The following MAP1A variants were observed in gnomAD, a reference collection of about 807,000 sequenced individuals.
MAP1A encodes microtubule-associated protein 1A.
MAP1A carries 42 observed loss-of-function variants against 185.9 expected under a neutral mutation model. The observed-to-expected ratio is 0.23, with a 90% CI of 0.18 to 0.29. The LOEUF (loss-of-function observed/expected upper bound fraction) is 0.29, where lower values mean the gene tolerates loss of function less well. Ranked by LOEUF, MAP1A falls within the 10% of genes least tolerant of loss-of-function variation. The probability of loss-of-function intolerance (pLI) is 1.00; values close to 1 mark genes in which losing one functional copy is unlikely to be tolerated. For synonymous variants in MAP1A, 1,229 were observed against 1,335.9 expected (o/e 0.92, Z 1.74); for missense variants, 2,995 against 3,450.4 (o/e 0.87, Z 3.31).
Position 43,526,652 on chromosome 15 carries a change from A to C in MAP1A, c.5179A>C (p.Ser1727Arg). 1.2e-6 allele frequency: 2 copies of C among 1,614,052 alleles called. No homozygotes were observed. Among genetic ancestry groups the C allele is most frequent in the Non-Finnish European group, 1.7e-6 (2 of 1,180,010 alleles). Residue 1727 changes from serine to arginine, a missense_variant, in exon 4 of 6, where the codon AGC becomes CGC. Ser to Arg is a moderately radical substitution (Grantham distance 110). Around this residue, in one of 3 missense-constraint regions of MAP1A, gnomAD observed 2,728 missense variants for 2,986.0 expected, o/e 0.91. Coordinates refer to ENST00000300231, the MANE Select transcript of MAP1A (RefSeq NM_002373.6). This position sits in a 1 kb window ranked among gnomAD's most constrained non-coding sequence, Gnocchi z 4.7. The stretch of plus-strand genomic sequence containing the variant: ...CCCACACTACACTGAGGAACGGGAA[A>C]GCACTTTCCTAGATGAGGGCCCAGA... ...ARPHYTEERE[S>R]TFLDEGPDDE...
chr15:43,525,330 G>A lies in MAP1A; in HGVS notation c.3857G>A (p.Arg1286Lys). The change falls in exon 4 of 6, where the codon AGG becomes AAG. Residue 1286 changes from arginine to lysine, a missense_variant. By Grantham distance (26) the Arg-to-Lys change is conservative (BLOSUM62 2). Coordinates refer to ENST00000300231, the MANE Select transcript of MAP1A (RefSeq NM_002373.6). ...GACATCACAGATGACAGCCTTGACA[G>A]GAAGTCACCTGCCAGCTCATTCTCT... is the stretch of plus-strand genomic sequence containing the variant. ...QTDITDDSLD[R>K]KSPASSFSHS... 6.2e-7 allele frequency: 1 copy of A among 1,614,150 alleles called. No homozygotes were observed. Among genetic ancestry groups the A allele is most frequent in the Admixed American group, 1.7e-5 (1 of 60,032 alleles).
In MAP1A at chr15:43,522,918, G is replaced by A. The variant is rs374615965; in HGVS notation, c.1445G>A (p.Gly482Glu). The A allele has an allele frequency of 6.2e-7, 1 of 1,613,502 alleles. No individual in the cohort carries two copies. Among genetic ancestry groups the A allele is most frequent in the Non-Finnish European group, 8.5e-7 (1 of 1,179,790 alleles). The change falls in exon 4 of 6, where the codon GGA becomes GAA. Residue 482 changes from glycine (G) to glutamate (E), a missense_variant. By Grantham distance (98) the Gly-to-Glu change is moderately conservative (BLOSUM62 -2). Transcript: ENST00000300231. The surrounding 1 kb of genome is among the most constrained non-coding windows in gnomAD (Gnocchi z 5.9). Reference protein sequence around the residue: ...RKTLYKAKVPGRVKIDRSRAI... With the variant: ...RKTLYKAKVPERVKIDRSRAI... The stretch of plus-strand genomic sequence containing the variant: ...ACCCTCTATAAAGCCAAGGTCCCTG[G>A]AAGAGTCAAAATAGACAGGAGCCGT...
Position 43,526,713 on chromosome 15 carries a change from C to G in MAP1A, c.5240C>G (p.Thr1747Ser), listed in dbSNP as rs1392308447. ...EQEVPLREHA[T>S]RSPWASDFKD... The stretch of plus-strand genomic sequence containing the variant: ...GAAGTACCCCTGCGGGAACACGCAA[C>G]CCGGAGCCCCTGGGCCTCAGACTTC... The change falls in exon 4 of 6, where the codon ACC becomes AGC. Residue 1747 changes from threonine to serine, a missense_variant. By Grantham distance (58) the Thr-to-Ser change is moderately conservative. Around this residue, in one of 3 missense-constraint regions of MAP1A, gnomAD observed 2,728 missense variants for 2,986.0 expected, o/e 0.91. Transcript: ENST00000300231. This position sits in a 1 kb window ranked among gnomAD's most constrained non-coding sequence, Gnocchi z 4.7. The G allele has an allele frequency of 6.2e-7, 1 of 1,613,976 alleles. No homozygotes were observed. Among genetic ancestry groups the G allele is most frequent in the Middle Eastern group, 1.6e-4 (1 of 6,062 alleles).
upstream of MAP1A, among the ~76,000 whole-genome samples, chr15:43,514,016 C>T (rs553934309): frequency 6.6e-6 from 1 of 152,300 alleles, no homozygotes; most frequent in African/African-American, 2.4e-5. Context: ...GAAGTTAAAC[C>T]AAAGTACTTA....
upstream of MAP1A, among the ~76,000 whole-genome samples, chr15:43,516,652 G>T (rs1315602290): frequency 6.6e-6 from 1 of 152,166 alleles, no homozygotes; most frequent in Non-Finnish European, 1.5e-5. Flanking sequence ...AGGGAAACAG[G>T]ATCAACATTA....
rs972500696 is a variant in MAP1A, at chr15:43,526,671, G to C, written c.5198G>C (p.Gly1733Ala). Residue 1733 changes from glycine to alanine, a missense_variant, in exon 4 of 6, where the codon GGC (glycine) becomes GCC (alanine). By Grantham distance (60) the Gly-to-Ala change is moderately conservative (BLOSUM62 0). Around this residue, in one of 3 missense-constraint regions of MAP1A, gnomAD observed 2,728 missense variants for 2,986.0 expected, o/e 0.91. Coordinates refer to ENST00000300231, the MANE Select transcript of MAP1A (RefSeq NM_002373.6). This position sits in a 1 kb window ranked among gnomAD's most constrained non-coding sequence, Gnocchi z 4.7. ...CGGGAAAGCACTTTCCTAGATGAGG[G>C]CCCAGATGATGAGCAAGAAGTACCC... ...EERESTFLDE[G>A]PDDEQEVPLR... The C allele has an allele frequency of 1.2e-6, 2 of 1,613,894 alleles. No homozygotes were observed. Among genetic ancestry groups the C allele is most frequent in the Non-Finnish European group, 1.7e-6 (2 of 1,180,028 alleles).
Position 43,526,716 on chromosome 15 carries a change from G to A in MAP1A, c.5243G>A (p.Arg1748Gln), listed in dbSNP as rs767134338. The A allele has an allele frequency of 2.0e-5, 32 of 1,614,000 alleles. No individual in the cohort carries two copies. Among genetic ancestry groups the A allele is most frequent in the Middle Eastern group, 1.6e-4 (1 of 6,062 alleles). ...GTACCCCTGCGGGAACACGCAACCC[G>A]GAGCCCCTGGGCCTCAGACTTCAAG... ...QEVPLREHATRSPWASDFKDF... is the reference protein window; with the variant it reads ...QEVPLREHATQSPWASDFKDF... Residue 1748 changes from arginine (R) to glutamine (Q), a missense_variant, in exon 4 of 6, where the codon CGG (arginine) becomes CAG (glutamine). Transcript: ENST00000300231. This position sits in a 1 kb window ranked among gnomAD's most constrained non-coding sequence, Gnocchi z 4.7.
chr15:43,514,978 G>A (rs1320824353), upstream of MAP1A, among the ~76,000 whole-genome samples: 4 of 152,184 alleles, frequency 2.6e-5, no homozygotes, highest in Admixed American at 1.3e-4. Flanking sequence ...CACTTTGGGA[G>A]GCCGAGGTGG....
rs1315642407 is a variant in MAP1A at position 43,521,122 on chromosome 15, A to T, written c.-151+10A>T. On this transcript the variant is annotated intron_variant, in intron 3 of 5. Coordinates refer to ENST00000300231, the MANE Select transcript of MAP1A (RefSeq NM_002373.6). This position sits in a 1 kb window ranked among gnomAD's most constrained non-coding sequence, Gnocchi z 4.6. ...CCTTCACAACCCCGAGGTAAGTTCC[A>T]TGCCAGAGTGTCTGGGAGAAAGGGT... 3 of 1,543,330 alleles carry T rather than the reference A, an allele frequency of 1.9e-6. No individual in the cohort carries two copies. The highest frequency in any genetic ancestry group is 4.9e-5 in the East Asian group (2 of 40,900).
intron 1 of MAP1A, among the ~76,000 whole-genome samples, chr15:43,519,653 ACTTT>A (rs1235540067): frequency 6.6e-6 from 1 of 152,154 alleles, no homozygotes. Flanking sequence ...CTCATTTGCC[ACTTT>A]CTTTCTTTGC....
chr15:43,519,472 G>A (rs771860058), intron 1 of MAP1A, among the ~76,000 whole-genome samples: 1 of 152,204 alleles, frequency 6.6e-6, no homozygotes, highest in African/African-American at 2.4e-5. Flanking sequence ...TCACAGAAGA[G>A]GGTCTAAGGG....
upstream of MAP1A, among the ~76,000 whole-genome samples, chr15:43,516,673 AATAAT>A (rs1295613150): frequency 2.6e-5 from 4 of 152,258 alleles, no homozygotes; most frequent in African/African-American, 9.6e-5. Context: ...GAAAGATCCA[AATAAT>A]ATAATATAGA....
Position 43,522,346 on chromosome 15 carries a change from C to T in MAP1A, c.873C>T (p.Tyr291=). 6.2e-7 allele frequency: 1 copy of T among 1,614,160 alleles called. No homozygotes were observed. Among genetic ancestry groups the T allele is most frequent in the East Asian group, 2.2e-5 (1 of 44,888 alleles). ...EKLRHLDFLR[Y]PVATQKDLAS... ...TTCGGCATCTGGACTTCCTGCGTTA[C>T]CCTGTGGCCACGCAGAAGGACCTGG... The change falls in exon 4 of 6, where the codon TAC becomes TAT. Residue 291 remains tyrosine (Y), a synonymous_variant. Coordinates refer to ENST00000300231, the MANE Select transcript of MAP1A (RefSeq NM_002373.6). This position sits in a 1 kb window ranked among gnomAD's most constrained non-coding sequence, Gnocchi z 5.9.
chr15:43,527,232 G>T lies in MAP1A; in HGVS notation c.5759G>T (p.Gly1920Val). 1 of 1,614,122 alleles carries T rather than the reference G, an allele frequency of 6.2e-7. No homozygotes were observed. Among genetic ancestry groups the T allele is most frequent in the Non-Finnish European group, 8.5e-7 (1 of 1,179,980 alleles). Residue 1920 changes from glycine (G) to valine (V), a missense_variant, in exon 4 of 6, where the codon GGT (glycine) becomes GTT (valine). Transcript: ENST00000300231. ...GCTGAAGGGGAAAGGGAAGAAGAAGGTAGGGCTGAGGCTCCTGACAAAAGC... is the reference window on the plus strand; with the variant it reads ...GCTGAAGGGGAAAGGGAAGAAGAAGTTAGGGCTGAGGCTCCTGACAAAAGC... ...RKAEGEREEE[G>V]RAEAPDKSSH...
chr15:43,528,845 C>T lies in MAP1A; in HGVS notation c.7372C>T (p.Pro2458Ser). 2 of 1,613,434 alleles carry T rather than the reference C, an allele frequency of 1.2e-6. No homozygotes were observed. Among genetic ancestry groups the T allele is most frequent in the Non-Finnish European group, 1.7e-6 (2 of 1,179,826 alleles). Residue 2458 changes from proline (P) to serine (S), a missense_variant, in exon 4 of 6, where the codon CCC (proline) becomes TCC (serine). Transcript: ENST00000300231. Reference sequence around the variant, plus strand: ...CCCATCCTTCCTGAACCCACCTCTGCCCCCATCCATAGATGATAGGGACCT... The same window carrying T: ...CCCATCCTTCCTGAACCCACCTCTGTCCCCATCCATAGATGATAGGGACCT... ...LSPSFLNPPL[P>S]PSIDDRDLST...
chr15:43,528,632 G>T lies in MAP1A; in HGVS notation c.7159G>T (p.Ala2387Ser). 1 of 1,613,220 alleles carries T rather than the reference G, an allele frequency of 6.2e-7. No homozygotes were observed. Among genetic ancestry groups the T allele is most frequent in the East Asian group, 2.2e-5 (1 of 44,852 alleles). The stretch of plus-strand genomic sequence containing the variant: ...AAATGAAGAGGCTGCGGCTTGCCCT[G>T]CCTGGGAACGTGGGGCCTGGCCTGA... Reference protein sequence around the residue: ...AENEEAAACPAWERGAWPEGA... With the variant: ...AENEEAAACPSWERGAWPEGA... The change falls in exon 4 of 6, where the codon GCC becomes TCC. Residue 2387 changes from alanine (A) to serine (S), a missense_variant. Coordinates refer to ENST00000300231, the MANE Select transcript of MAP1A (RefSeq NM_002373.6).
At chr15:43,516,519 G>A (rs183619002), upstream of MAP1A, among the ~76,000 whole-genome samples, 23 of 152,294 alleles carry the variant, frequency 1.5e-4, no homozygotes, top group African/African-American at 4.8e-4. Context: ...GATGGGAAGA[G>A]GGCAGGGAAG....
chr15:43,526,271 T>A lies in MAP1A; in HGVS notation c.4798T>A (p.Ser1600Thr), dbSNP rs550522879. The A allele has an allele frequency of 1.8e-4, 285 of 1,613,510 alleles. No homozygotes were observed. The East Asian group carries it at 5.7e-3, about 32-fold the overall frequency. The change falls in exon 4 of 6, where the codon TCC becomes ACC. Residue 1600 changes from serine (S) to threonine (T), a missense_variant. Around this residue, in one of 3 missense-constraint regions of MAP1A, gnomAD observed 2,728 missense variants for 2,986.0 expected, o/e 0.91. Coordinates refer to ENST00000300231, the MANE Select transcript of MAP1A (RefSeq NM_002373.6). This position sits in a 1 kb window ranked among gnomAD's most constrained non-coding sequence, Gnocchi z 4.7. Reference protein sequence around the residue: ...TRKPKMLEEKSPEKVKAMEEK... With the variant: ...TRKPKMLEEKTPEKVKAMEEK... Reference sequence around the variant, plus strand: ...GAAACCAAAGATGCTAGAGGAAAAATCCCCAGAAAAGGTCAAGGCCATGGA... The same window carrying A: ...GAAACCAAAGATGCTAGAGGAAAAAACCCCAGAAAAGGTCAAGGCCATGGA...
In MAP1A at chr15:43,524,682, C is replaced by T. The variant is rs781042332; in HGVS notation, c.3209C>T (p.Pro1070Leu). 8 of 1,614,012 alleles carry T rather than the reference C, an allele frequency of 5.0e-6. No individual in the cohort carries two copies. In the East Asian group the frequency reaches 8.9e-5, roughly 18 times the overall value. The change falls in exon 4 of 6, where the codon CCC becomes CTC. Residue 1070 changes from proline (P) to leucine (L), a missense_variant. Physicochemically the swap from Pro to Leu is moderately conservative, Grantham distance 98 (BLOSUM62 -3). Transcript: ENST00000300231. ...KEEKVPPPRS[P>L]QAQEAPVNID... ...GAGAAAGTTCCTCCTCCCAGGAGCC[C>T]CCAGGCCCAGGAAGCACCTGTCAAC... is the stretch of plus-strand genomic sequence containing the variant.
Sources: gnomAD v4.1 joint callset for allele counts (sites outside exome capture counted in the v4.1 genomes callset) on GRCh38, gnomAD v4.1.1 for gene constraint, gnomAD v4.1.1 regional missense constraint, Gnocchi (gnomAD v3.1) non-coding constraint, MANE v1.5 for transcripts, NCBI Gene and HGNC (gene_info 2026-07-23, HGNC 2026-07-21) for gene names.